TPST1: variants seen among roughly 807,000 people sequenced by gnomAD.
The protein encoded by TPST1 is protein-tyrosine sulfotransferase 1.
TPST1 carries 20 observed loss-of-function variants against 34.8 expected under a neutral mutation model. The observed-to-expected ratio is 0.57, with a 90% CI of 0.40 to 0.84. TPST1 has a LOEUF of 0.84. Ranked by LOEUF, TPST1 falls within the 40% of genes least tolerant of loss-of-function variation. The probability of loss-of-function intolerance (pLI) is 0.00; values close to 1 mark genes in which losing one functional copy is unlikely to be tolerated. For synonymous variants in TPST1, 152 were observed against 159.4 expected, an observed-to-expected ratio of 0.95 and a Z score of 0.35; for missense variants, 353 against 455.5, an observed-to-expected ratio of 0.78 and a Z score of 2.05.
intron 2 of TPST1, among the ~76,000 whole-genome samples, chr7:66,262,481 A>G (rs944625275): frequency 6.6e-6 from 1 of 152,178 alleles, no homozygotes; most frequent in Admixed American, 6.5e-5. Context: ...ATTAAGGGTC[A>G]TCTTGTGTAG....
intron 2 of TPST1, among the ~76,000 whole-genome samples, chr7:66,271,428 C>T (rs936591183): frequency 3.3e-5 from 5 of 152,206 alleles, no homozygotes; most frequent in Non-Finnish European, 5.9e-5. Flanking sequence ...CTGCCCGCCT[C>T]AGCTTCCCAG....
At chr7:66,252,924 A>G (rs1790298134) in intron 2 of TPST1, among the ~76,000 whole-genome samples, 1 of 152,008 alleles carries the variant, frequency 6.6e-6, no homozygotes, top group African/African-American at 2.4e-5. Context: ...TCATTTTCAT[A>G]TTTTTTCTAT....
At chr7:66,215,890 G>A (rs7783727) in intron 1 of TPST1, among the ~76,000 whole-genome samples, 30,976 of 149,346 alleles carry the variant, frequency 0.21, 3,687 homozygotes, top group East Asian at 0.36. Context: ...CTCCTGCCTC[G>A]GCCTCCCAAG....
At chr7:66,243,385 C>T (rs757026487) in intron 2 of TPST1, among the ~76,000 whole-genome samples, 3 of 152,056 alleles carry the variant, frequency 2.0e-5, no homozygotes, top group Non-Finnish European at 2.9e-5. Flanking sequence ...AAATCTTACC[C>T]AGAATTCCAA....
intron 3 of TPST1, chr7:66,344,235 A>G (rs763819973): frequency 3.9e-5 from 6 of 152,170 alleles, no homozygotes; most frequent in Non-Finnish European, 8.8e-5. Flanking sequence ...TTGACTCCAC[A>G]AAAAATAAAA....
At chr7:66,352,674 G>A in intron 4 of TPST1, 119 bp downstream of exon 4, 1 of 1,530,428 alleles carries the variant, frequency 6.5e-7, no homozygotes, top group Non-Finnish European at 8.7e-7. Context: ...AAGAAAAGAA[G>A]AAAAGGGATA....
At chr7:66,326,219 A>G (rs1203487900) in intron 3 of TPST1, among the ~76,000 whole-genome samples, 3 of 152,192 alleles carry the variant, frequency 2.0e-5, no homozygotes, top group Non-Finnish European at 4.4e-5. Flanking sequence ...CATCTAGAAT[A>G]TAAAGATGAT....
chr7:66,320,079 T>A (rs923036417), intron 3 of TPST1, among the ~76,000 whole-genome samples: 1 of 152,114 alleles, frequency 6.6e-6, no homozygotes, highest in Non-Finnish European at 1.5e-5. Context: ...TTTCTAATAC[T>A]CTTTTACTGA....
At chr7:66,254,861 G>T (rs1325412379) in intron 2 of TPST1, among the ~76,000 whole-genome samples, 3 of 152,128 alleles carry the variant, frequency 2.0e-5, no homozygotes, top group Non-Finnish European at 4.4e-5. Context: ...TAAAACAGTT[G>T]TTGTTGCCAG....
At chr7:66,272,779 G>T (rs1003180659) in intron 2 of TPST1, among the ~76,000 whole-genome samples, 13 of 151,904 alleles carry the variant, frequency 8.6e-5, no homozygotes, top group Admixed American at 7.9e-4. Context: ...TAGAGTTGGG[G>T]TTTTGCCATG....
intron 2 of TPST1, among the ~76,000 whole-genome samples, chr7:66,273,723 A>G (rs1790748091): frequency 6.6e-6 from 1 of 152,220 alleles, no homozygotes; most frequent in South Asian, 2.1e-4. Flanking sequence ...CCACATGAGA[A>G]GAATGAAGTT....
At chr7:66,276,735 T>C (rs1428803508) in intron 2 of TPST1, among the ~76,000 whole-genome samples, 1 of 152,110 alleles carries the variant, frequency 6.6e-6, no homozygotes, top group African/African-American at 2.4e-5. Context: ...CTAATATGAT[T>C]TATGTATCAT....
At chr7:66,343,387 A>C (rs886435409) in intron 3 of TPST1, among the ~76,000 whole-genome samples, 12 of 152,134 alleles carry the variant, frequency 7.9e-5, no homozygotes, top group African/African-American at 2.7e-4. Flanking sequence ...GGAACAGTAG[A>C]CACTGGGTAC....
intron 3 of TPST1, among the ~76,000 whole-genome samples, chr7:66,339,367 T>A (rs1044336216): frequency 6.6e-6 from 1 of 152,070 alleles, no homozygotes; most frequent in African/African-American, 2.4e-5. Flanking sequence ...AAAAAAAGTC[T>A]CTCAACCAAG....
chr7:66,321,361 C>A (rs1791754016), intron 3 of TPST1, among the ~76,000 whole-genome samples: 2 of 152,366 alleles, frequency 1.3e-5, no homozygotes, highest in Admixed American at 1.3e-4. Flanking sequence ...ACCTGCACAA[C>A]TGACTTCAGG....
rs1245104894 is a variant in TPST1, at chr7:66,332,550, G to C, written c.1045-19955G>C. On this transcript the variant is annotated intron_variant, in intron 3 of 5. Coordinates refer to ENST00000304842, the MANE Select transcript of TPST1 (RefSeq NM_003596.4). The surrounding 1 kb of genome is among the most constrained non-coding windows in gnomAD (Gnocchi z 4.5). ...GGCCTCCCAAAGTGCTAGGATTACA[G>C]GCATGAGCCAACATGCCTGGCCTGT... is the stretch of plus-strand genomic sequence containing the variant. 2.6e-5 allele frequency among the ~76,000 whole-genome samples: 4 copies of C among 152,158 alleles called. No homozygotes were observed. The highest frequency in any genetic ancestry group is 7.2e-5 in the African/African-American group (3 of 41,442).
intron 1 of TPST1, among the ~76,000 whole-genome samples, chr7:66,235,300 C>G (rs1789889619): frequency 6.6e-6 from 1 of 151,584 alleles, no homozygotes; most frequent in South Asian, 2.1e-4. Flanking sequence ...ACGCCATTCT[C>G]CTGCATAGAC....
chr7:66,334,651 A>AAAAAG (rs1792059273), intron 3 of TPST1, among the ~76,000 whole-genome samples: 1 of 151,024 alleles, frequency 6.6e-6, no homozygotes, highest in African/African-American at 2.4e-5. Flanking sequence ...AAAAAAAAAA[A>AAAAAG]GTATTCAAAG....
intron 3 of TPST1, among the ~76,000 whole-genome samples, chr7:66,312,503 T>C (rs1411243716): frequency 6.6e-6 from 1 of 152,202 alleles, no homozygotes. Flanking sequence ...GAGATACTTA[T>C]AGGTTAACTT....
Sources: gnomAD v4.1 joint callset for allele counts (sites outside exome capture counted in the v4.1 genomes callset) on GRCh38, gnomAD v4.1.1 for gene constraint, Gnocchi (gnomAD v3.1) non-coding constraint, MANE v1.5 for transcripts, NCBI Gene and HGNC (gene_info 2026-07-23, HGNC 2026-07-21) for gene names.